Variants in ROBO2 observed in about 807,000 individuals in gnomAD.
ROBO2 encodes the protein roundabout homolog 2.
A neutral mutation model predicts 160.8 loss-of-function variants in ROBO2; 53 were observed. That is an observed-to-expected ratio of 0.33 (90% confidence interval 0.26 to 0.41). The LOEUF (loss-of-function observed/expected upper bound fraction) is 0.41, where lower values mean the gene tolerates loss of function less well. Ranked by LOEUF, ROBO2 falls within the 10% of genes least tolerant of loss-of-function variation. ROBO2 has a pLI of 1.00. For missense variants in ROBO2, 1,577 were observed against 1,722.4 expected (o/e 0.92, Z 1.49); for synonymous variants, 664 against 611.7 (o/e 1.09, Z -1.26).
chr3:76,614,146 T>G (rs1270965907), intron 2 of ROBO2, among the ~76,000 whole-genome samples: 1 of 152,134 alleles, frequency 6.6e-6, no homozygotes, highest in Non-Finnish European at 1.5e-5. Flanking sequence ...TTCAGAAGCA[T>G]GAACTATGCA....
intron 2 of ROBO2, among the ~76,000 whole-genome samples, chr3:76,065,260 G>C (rs2068214553): frequency 6.6e-6 from 1 of 152,046 alleles, no homozygotes; most frequent in Admixed American, 6.6e-5. Flanking sequence ...TACAATTATA[G>C]AATATGTTTA....
chr3:75,914,732 G>T (rs1259271818), intron 1 of ROBO2, among the ~76,000 whole-genome samples: 1 of 152,158 alleles, frequency 6.6e-6, no homozygotes, highest in Non-Finnish European at 1.5e-5. Context: ...ATGAGAATGA[G>T]TAACGTACAT....
chr3:77,411,722 A>G (rs900714201), intron 2 of ROBO2, among the ~76,000 whole-genome samples: 1 of 152,204 alleles, frequency 6.6e-6, no homozygotes, highest in African/African-American at 2.4e-5. Context: ...ATGTGTGTAA[A>G]CTCTATCTGG....
chr3:77,172,424 T>A (rs1172691519), intron 2 of ROBO2, among the ~76,000 whole-genome samples: 2 of 152,204 alleles, frequency 1.3e-5, no homozygotes, highest in Non-Finnish European at 2.9e-5. Context: ...TAAAAATGTG[T>A]TAATTACAGA....
intron 2 of ROBO2, among the ~76,000 whole-genome samples, chr3:76,833,679 G>A (rs926605097): frequency 1.3e-5 from 2 of 152,064 alleles, no homozygotes; most frequent in African/African-American, 4.8e-5. Context: ...TTCTTTTGAT[G>A]TCCTCTTTTT....
At chr3:76,307,765 C>G (rs2071395646) in intron 2 of ROBO2, among the ~76,000 whole-genome samples, 1 of 151,962 alleles carries the variant, frequency 6.6e-6, no homozygotes, top group Non-Finnish European at 1.5e-5. Context: ...GGCTAAGTAG[C>G]AATATGTAGA....
intron 2 of ROBO2, among the ~76,000 whole-genome samples, chr3:76,280,135 A>T (rs567873266): frequency 6.1e-4 from 93 of 152,152 alleles, no homozygotes; most frequent in African/African-American, 2.0e-3. Context: ...AATTCCTGAA[A>T]AGTCGGCAAT....
intron 2 of ROBO2, among the ~76,000 whole-genome samples, chr3:76,016,741 G>A (rs2066416532): frequency 1.3e-5 from 2 of 152,060 alleles, no homozygotes; most frequent in Admixed American, 1.3e-4. Context: ...GATATTGGTG[G>A]GGACTCGTCT....
intron 2 of ROBO2, among the ~76,000 whole-genome samples, chr3:76,330,819 G>A (rs1239087161): frequency 6.6e-6 from 1 of 152,134 alleles, no homozygotes; most frequent in Non-Finnish European, 1.5e-5. Flanking sequence ...ATGTCTATTT[G>A]GAAGCTTCAT....
intron 2 of ROBO2, among the ~76,000 whole-genome samples, chr3:76,428,651 T>TA (rs2076315402): frequency 2.6e-5 from 4 of 152,102 alleles, no homozygotes; most frequent in African/African-American, 9.7e-5. Context: ...GTAAAACAAA[T>TA]ACATTTCATA....
intron 2 of ROBO2, among the ~76,000 whole-genome samples, chr3:76,895,544 C>T (rs977447145): frequency 2.0e-5 from 3 of 151,954 alleles, no homozygotes; most frequent in African/African-American, 7.3e-5. Flanking sequence ...ATGATTAGAA[C>T]CAAGTACCAT....
chr3:75,924,686 T>TTC (rs1553701796), intron 1 of ROBO2, among the ~76,000 whole-genome samples: 8 of 111,514 alleles, frequency 7.2e-5, no homozygotes, highest in East Asian at 5.2e-4. Flanking sequence ...CTTTTCTTTT[T>TTC]TTTTTTTTTT....
intron 2 of ROBO2, among the ~76,000 whole-genome samples, chr3:76,750,600 C>T (rs201059360): frequency 6.6e-6 from 1 of 152,144 alleles, no homozygotes; most frequent in African/African-American, 2.4e-5. Flanking sequence ...TCAGCAAAGT[C>T]AGGATACAAA....
At chr3:77,432,875 C>CA (rs1447345373) in intron 2 of ROBO2, among the ~76,000 whole-genome samples, 2 of 152,144 alleles carry the variant, frequency 1.3e-5, no homozygotes, top group African/African-American at 2.4e-5. Flanking sequence ...GACAGTGGTA[C>CA]AACTTCATGT....
chr3:77,437,212 C>A (rs2079386197), intron 2 of ROBO2, among the ~76,000 whole-genome samples: 1 of 151,962 alleles, frequency 6.6e-6, no homozygotes, highest in Non-Finnish European at 1.5e-5. Context: ...GGCCTGCCAG[C>A]ATGAAAATTC....
At chr3:77,145,285 G>C (rs1477507929) in intron 2 of ROBO2, among the ~76,000 whole-genome samples, 1 of 152,078 alleles carries the variant, frequency 6.6e-6, no homozygotes, top group African/African-American at 2.4e-5. Flanking sequence ...TAAATAAAAT[G>C]AATATTGATT....
At chr3:77,231,130 C>T (rs566551845) in intron 2 of ROBO2, among the ~76,000 whole-genome samples, 7 of 151,916 alleles carry the variant, frequency 4.6e-5, no homozygotes, top group African/African-American at 1.7e-4. Context: ...TTTGGGAGGC[C>T]GAGGTGGGCG....
chr3:76,238,449 T>C (rs1007109500), intron 2 of ROBO2, among the ~76,000 whole-genome samples: 4 of 152,124 alleles, frequency 2.6e-5, no homozygotes, highest in African/African-American at 9.7e-5. Context: ...ACCTCCATGA[T>C]CTAACCACCT....
chr3:76,997,575 G>T (rs1228362428), intron 2 of ROBO2, among the ~76,000 whole-genome samples: 1 of 152,114 alleles, frequency 6.6e-6, no homozygotes, highest in South Asian at 2.1e-4. Flanking sequence ...TTTTATGAAA[G>T]CAATGTAATT....
Sources: allele counts gnomAD v4.1 joint callset (sites outside exome capture counted in the v4.1 genomes callset), GRCh38; gene constraint gnomAD v4.1.1; transcripts MANE v1.5; gene names NCBI Gene and HGNC (gene_info 2026-07-23, HGNC 2026-07-21).